ASB18: variants seen among roughly 807,000 people sequenced by gnomAD.
ASB18 encodes ankyrin repeat and SOCS box containing 18, also known as ankyrin repeat and SOCS box protein 18.
ASB18 carries 33 observed loss-of-function variants against 33.4 expected under a neutral mutation model. That is an observed-to-expected ratio of 0.99 (90% CI 0.75 to 1.32). The LOEUF is 1.32. Among genes scored for constraint, ASB18 ranks in the 40% most tolerant of loss-of-function variants. ASB18 has a pLI of 0.00. For missense variants in ASB18, 694 were observed against 655.5 expected, an observed-to-expected ratio of 1.06 and a Z score of -0.64; for synonymous variants, 295 against 307.6, an observed-to-expected ratio of 0.96 and a Z score of 0.43.
At chr2:236,207,759 C>T (rs7557124) in intron 4 of ASB18, among the ~76,000 whole-genome samples, 70,227 of 151,868 alleles carry the variant, frequency 0.46, 20,333 homozygotes, top group African/African-American at 0.83. Flanking sequence ...GCTGGGTTCC[C>T]CCGATTTTCA....
rs190045051 is a variant in ASB18 at position 236,256,646 on chromosome 2, T to C, written c.205+7495A>G. Among the ~76,000 whole-genome samples the C allele has an allele frequency of 2.0e-5, 3 of 152,348 alleles. No homozygotes were observed. The highest frequency in any genetic ancestry group is 1.9e-4 in the East Asian group (1 of 5,182). ...TGGGGATGATGTTAATAGATGGATG[T>C]CATCAGCATACATTATTTCTTTATT... On this transcript the variant is annotated intron_variant, in intron 1 of 5. Transcript: ENST00000409749. The surrounding 1 kb of genome is among the most constrained non-coding windows in gnomAD (Gnocchi z 4.7).
rs776179108 is a variant in ASB18 at position 236,196,194 on chromosome 2, T to C, written c.1215+78A>G. ...TGTATAATACTTAGCCGAATATCAGTGCAAAACTCCCCATGCAAAGAAGCA... is the reference window on the plus strand; with the variant it reads ...TGTATAATACTTAGCCGAATATCAGCGCAAAACTCCCCATGCAAAGAAGCA... On this transcript the variant is annotated intron_variant, in intron 5 of 5. Coordinates refer to ENST00000409749, the MANE Select transcript of ASB18 (RefSeq NM_212556.4). This position sits in a 1 kb window ranked among gnomAD's most constrained non-coding sequence, Gnocchi z 5.6. The C allele has an allele frequency of 2.6e-6, 2 of 765,174 alleles. No homozygotes were observed. The highest frequency in any genetic ancestry group is 2.9e-5 in the South Asian group (2 of 68,286). 47.4% of individuals were successfully genotyped at this position (765,174 alleles called of 1,614,324 possible). A position where few individuals can be genotyped will look rare whatever the true frequency, so the allele number is the denominator to read the frequency against.
chr2:236,206,271 A>T (rs1419471113), intron 4 of ASB18, among the ~76,000 whole-genome samples: 2 of 152,028 alleles, frequency 1.3e-5, no homozygotes, highest in African/African-American at 4.8e-5. Context: ...CTTTCCAACA[A>T]TTCAGATGAT....
rs906923522 is a variant in ASB18 at position 236,246,155 on chromosome 2, C to T, written c.206-4753G>A. The stretch of plus-strand genomic sequence containing the variant: ...ATCACTTGAGGTCAGGAGTTCAAGA[C>T]CAGCTTGGCCAACATGGTGAAACCC... On this transcript the variant is annotated intron_variant, in intron 1 of 5. Coordinates refer to ENST00000409749, the MANE Select transcript of ASB18 (RefSeq NM_212556.4). Among the ~76,000 whole-genome samples the T allele has an allele frequency of 2.6e-5, 4 of 151,958 alleles. No homozygotes were observed. The East Asian group carries it at 5.8e-4, about 22-fold the overall frequency.
In ASB18 at chr2:236,231,397, G is replaced by A. The variant is rs529408832; in HGVS notation, c.596+6292C>T. Among the ~76,000 whole-genome samples, 1 of 152,148 alleles carries A rather than the reference G, an allele frequency of 6.6e-6. No homozygotes were observed. The highest frequency in any genetic ancestry group is 2.4e-5 in the African/African-American group (1 of 41,442). ...GATTAGGCCCTCATAGATGGGATTA[G>A]TGCCCTTATAAAAGGGCTTGAGGGA... is the stretch of plus-strand genomic sequence containing the variant. On this transcript the variant is annotated intron_variant, in intron 3 of 5. Transcript: ENST00000409749. The surrounding 1 kb of genome is among the most constrained non-coding windows in gnomAD (Gnocchi z 5.5).
At chr2:236,207,873 G>A (rs966063175) in intron 4 of ASB18, among the ~76,000 whole-genome samples, 2 of 150,054 alleles carry the variant, frequency 1.3e-5, no homozygotes, top group African/African-American at 2.5e-5. Flanking sequence ...ACTTACGGCC[G>A]TGCAGCAGAA....
rs1369426728 is a variant in ASB18 at position 236,222,777 on chromosome 2, T to G, written c.597-7911A>C. Among the ~76,000 whole-genome samples, 1 of 152,156 alleles carries G rather than the reference T, an allele frequency of 6.6e-6. No homozygotes were observed. The highest frequency in any genetic ancestry group is 1.5e-5 in the Non-Finnish European group (1 of 68,020). On this transcript the variant is annotated intron_variant, in intron 3 of 5. Coordinates refer to ENST00000409749, the MANE Select transcript of ASB18 (RefSeq NM_212556.4). The surrounding 1 kb of genome is among the most constrained non-coding windows in gnomAD (Gnocchi z 5.5). ...GCTCACGCCTGTAATCCCAACACTT[T>G]GGGAGGCCGAGGTATGTGGATCACC...
rs2106266243 is a variant in ASB18 at position 236,208,412 on chromosome 2, C to A, written c.1101+5950G>T. ...CCATTAAGAAGGACTCACGCTGGAC[C>A]CCTCGGGATGGAGTCTGCTGCTATT... On this transcript the variant is annotated intron_variant, in intron 4 of 5. Transcript: ENST00000409749. The surrounding 1 kb of genome is among the most constrained non-coding windows in gnomAD (Gnocchi z 7.7). Among the ~76,000 whole-genome samples the A allele has an allele frequency of 6.6e-6, 1 of 152,304 alleles. No individual in the cohort carries two copies. The highest frequency in any genetic ancestry group is 2.1e-4 in the South Asian group (1 of 4,816).
At position 236,255,673 on chromosome 2, in the gene ASB18, T is replaced by C. The variant is rs1172741182; in HGVS notation, c.205+8468A>G. Among the ~76,000 whole-genome samples, 1 of 152,250 alleles carries C rather than the reference T, an allele frequency of 6.6e-6. No individual in the cohort carries two copies. Among genetic ancestry groups the C allele is most frequent in the African/African-American group, 2.4e-5 (1 of 41,468 alleles). ...CAGGTGTTTTCTTTCCAAATTAAGA[T>C]GACCTCATTCCTTTGCTGAATGGCT... is the stretch of plus-strand genomic sequence containing the variant. On this transcript the variant is annotated intron_variant, in intron 1 of 5. Transcript: ENST00000409749. This position sits in a 1 kb window ranked among gnomAD's most constrained non-coding sequence, Gnocchi z 4.4.
chr2:236,245,888 C>T lies in ASB18; in HGVS notation c.206-4486G>A, dbSNP rs2060642736. On this transcript the variant is annotated intron_variant, in intron 1 of 5. Transcript: ENST00000409749. This position sits in a 1 kb window ranked among gnomAD's most constrained non-coding sequence, Gnocchi z 4.7. ...TTAAAGCTCCTCAGTGGTTCTTGCT[C>T]TTATTCTTGGCCATCTGTTGCCTTT... is the stretch of plus-strand genomic sequence containing the variant. Among the ~76,000 whole-genome samples, 1 of 152,206 alleles carries T rather than the reference C, an allele frequency of 6.6e-6. No individual in the cohort carries two copies. The highest frequency in any genetic ancestry group is 1.5e-5 in the Non-Finnish European group (1 of 68,028).
intron 4 of ASB18, among the ~76,000 whole-genome samples, chr2:236,201,817 T>C (rs72620803): frequency 0.17 from 26,147 of 152,178 alleles, 2,272 homozygotes; most frequent in South Asian, 0.25. Context: ...TGGTTATCTT[T>C]TCACTATGGG....
chr2:236,264,093 T>C lies in ASB18; in HGVS notation c.205+48A>G, dbSNP rs1869332. ...CTCCAGGATCTGCCCACCCCATCAGTGTAACTTAGTAATTAAATCCCAGAT... is the reference window on the plus strand; with the variant it reads ...CTCCAGGATCTGCCCACCCCATCAGCGTAACTTAGTAATTAAATCCCAGAT... On this transcript the variant is annotated intron_variant, in intron 1 of 5. Coordinates refer to ENST00000409749, the MANE Select transcript of ASB18 (RefSeq NM_212556.4). This position sits in a 1 kb window ranked among gnomAD's most constrained non-coding sequence, Gnocchi z 5.1. The C allele has an allele frequency of 0.027, 41,766 of 1,550,850 alleles. 2,438 individuals are homozygous for C. Among genetic ancestry groups the C allele is most frequent in the African/African-American group, 0.24 (17,526 of 73,708 alleles).
Position 236,234,720 on chromosome 2 carries a change from G to T in ASB18, c.596+2969C>A, listed in dbSNP as rs1198608277. The stretch of plus-strand genomic sequence containing the variant: ...ATTTTCTACTAACAGTGCTGGAACT[G>T]TCAGATATCCACATGCAAAAATAAA... On this transcript the variant is annotated intron_variant, in intron 3 of 5. Coordinates refer to ENST00000409749, the MANE Select transcript of ASB18 (RefSeq NM_212556.4). This position sits in a 1 kb window ranked among gnomAD's most constrained non-coding sequence, Gnocchi z 4.1. 6.6e-6 allele frequency among the ~76,000 whole-genome samples: 1 copy of T among 152,206 alleles called. No homozygotes were observed. Among genetic ancestry groups the T allele is most frequent in the Non-Finnish European group, 1.5e-5 (1 of 68,048 alleles).
At position 236,255,446 on chromosome 2, in the gene ASB18, G is replaced by A. The variant is rs2060687892; in HGVS notation, c.205+8695C>T. Among the ~76,000 whole-genome samples the A allele has an allele frequency of 6.6e-6, 1 of 152,124 alleles. No individual in the cohort carries two copies. Among genetic ancestry groups the A allele is most frequent in the Non-Finnish European group, 1.5e-5 (1 of 68,016 alleles). ...GGTGTGAGCCACTGCGCCTGGCCTG[G>A]TATTTCTTTATCACAATGCGAGAAC... is the stretch of plus-strand genomic sequence containing the variant. On this transcript the variant is annotated intron_variant, in intron 1 of 5. Transcript: ENST00000409749. This position sits in a 1 kb window ranked among gnomAD's most constrained non-coding sequence, Gnocchi z 4.4.
intron 4 of ASB18, among the ~76,000 whole-genome samples, chr2:236,201,688 T>TC (rs1491170448): frequency 1.2e-4 from 9 of 76,276 alleles, no homozygotes; most frequent in Non-Finnish European, 1.6e-4. Flanking sequence ...CTGCACTTCA[T>TC]TTTTTTTTTT....
chr2:236,262,011 T>C lies in ASB18; in HGVS notation c.205+2130A>G, dbSNP rs2060721020. On this transcript the variant is annotated intron_variant, in intron 1 of 5. Transcript: ENST00000409749. The surrounding 1 kb of genome is among the most constrained non-coding windows in gnomAD (Gnocchi z 5.2). ...GAATTGTGGGAGCTATAATTCAAGATGAGATTTGGGTGGGGACACAGCCAA... is the reference window on the plus strand; with the variant it reads ...GAATTGTGGGAGCTATAATTCAAGACGAGATTTGGGTGGGGACACAGCCAA... Among the ~76,000 whole-genome samples, 2 of 152,188 alleles carry C rather than the reference T, an allele frequency of 1.3e-5. No individual in the cohort carries two copies. The highest frequency in any genetic ancestry group is 1.3e-4 in the Admixed American group (2 of 15,288).
intron 4 of ASB18, chr2:236,210,372 CA>C (rs1429089829): frequency 6.6e-6 from 1 of 152,224 alleles, no homozygotes; most frequent in African/African-American, 2.4e-5. Flanking sequence ...TTCATTTTTA[CA>C]CAGGGTAAAG....
At position 236,257,457 on chromosome 2, in the gene ASB18, C is replaced by T. The variant is rs1050358166; in HGVS notation, c.205+6684G>A. On this transcript the variant is annotated intron_variant, in intron 1 of 5. Transcript: ENST00000409749. The surrounding 1 kb of genome is among the most constrained non-coding windows in gnomAD (Gnocchi z 5.5). ...CAGCCTAGCACCCCACTTACTTGCC[C>T]ATGATTTTTTGGGATTATTTTTGCT... Among the ~76,000 whole-genome samples the T allele has an allele frequency of 6.6e-6, 1 of 152,092 alleles. No individual in the cohort carries two copies. The highest frequency in any genetic ancestry group is 2.4e-5 in the African/African-American group (1 of 41,402).
rs1430370098 is a variant in ASB18 at position 236,221,891 on chromosome 2, C to G, written c.597-7025G>C. ...CTGCTTTTCCTCCTCAGAGATGACA[C>G]GGAGGCAGATGGGCTAGAGACATGT... On this transcript the variant is annotated intron_variant, in intron 3 of 5. Transcript: ENST00000409749. The surrounding 1 kb of genome is among the most constrained non-coding windows in gnomAD (Gnocchi z 5.6). 6.6e-6 allele frequency among the ~76,000 whole-genome samples: 1 copy of G among 152,156 alleles called. No individual in the cohort carries two copies. Among genetic ancestry groups the G allele is most frequent in the Non-Finnish European group, 1.5e-5 (1 of 68,040 alleles).
Sources: allele counts gnomAD v4.1 joint callset (sites outside exome capture counted in the v4.1 genomes callset), GRCh38; gene constraint gnomAD v4.1.1; non-coding constraint Gnocchi (gnomAD v3.1); transcripts MANE v1.5; gene names NCBI Gene and HGNC (gene_info 2026-07-23, HGNC 2026-07-21).